Variants in SPPL3 observed in about 807,000 individuals in gnomAD.
The protein encoded by SPPL3 is signal peptide peptidase like 3.
A neutral mutation model predicts 42.4 loss-of-function variants in SPPL3; 5 were observed. That is an observed-to-expected ratio of 0.12 (90% CI 0.06 to 0.25). SPPL3 has a LOEUF of 0.25. Among genes scored for constraint, SPPL3 ranks in the 10% least tolerant of loss-of-function variants. The pLI, the probability that SPPL3 is intolerant of heterozygous loss-of-function variation, is 1.00. For synonymous variants in SPPL3, 195 were observed against 181.8 expected, an observed-to-expected ratio of 1.07 and a Z score of -0.58; for missense variants, 235 against 489.0, an observed-to-expected ratio of 0.48 and a Z score of 4.90.
intron 1 of SPPL3, among the ~76,000 whole-genome samples, chr12:120,889,094 A>G (rs904292762): frequency 6.6e-5 from 10 of 152,166 alleles, no homozygotes; most frequent in African/African-American, 9.7e-5. Flanking sequence ...GATTACAGGC[A>G]TGAGCCACCA....
At chr12:120,875,187 A>G (rs1444182076) in intron 1 of SPPL3, among the ~76,000 whole-genome samples, 1 of 152,216 alleles carries the variant, frequency 6.6e-6, no homozygotes, top group Admixed American at 6.5e-5. Flanking sequence ...CCCACAGACT[A>G]AATTGGCAAT....
At chr12:120,818,328 A>G (rs1870947299) in intron 1 of SPPL3, among the ~76,000 whole-genome samples, 1 of 121,566 alleles carries the variant, frequency 8.2e-6, no homozygotes, top group South Asian at 2.8e-4. Flanking sequence ...TTGAGTTGAA[A>G]TATTTTATAT....
At chr12:120,814,971 CCA>C (rs1331282398) in intron 1 of SPPL3, among the ~76,000 whole-genome samples, 1 of 151,134 alleles carries the variant, frequency 6.6e-6, no homozygotes, top group Non-Finnish European at 1.5e-5. Context: ...TGTAGATGCC[CCA>C]CAGTTTTTGT....
chr12:120,901,864 T>C (rs1238228189), intron 1 of SPPL3: 9 of 984,276 alleles, frequency 9.1e-6, no homozygotes, highest in Non-Finnish European at 1.1e-5. Context: ...AGAGGTCGTG[T>C]GTGTCCAACC....
chr12:120,893,012 A>G (rs1873691284), intron 1 of SPPL3, among the ~76,000 whole-genome samples: 1 of 151,624 alleles, frequency 6.6e-6, no homozygotes, highest in Non-Finnish European at 1.5e-5. Flanking sequence ...TACAACCCAA[A>G]ATTTAGTGGA....
chr12:120,824,623 TG>T (rs1871182062), intron 1 of SPPL3, among the ~76,000 whole-genome samples: 1 of 152,166 alleles, frequency 6.6e-6, no homozygotes, highest in East Asian at 1.9e-4. Flanking sequence ...TTGACCTCCT[TG>T]GGCTCAGGTG....
At chr12:120,885,927 T>C (rs958047436) in intron 1 of SPPL3, among the ~76,000 whole-genome samples, 6 of 147,802 alleles carry the variant, frequency 4.1e-5, no homozygotes, top group Admixed American at 2.8e-4. Flanking sequence ...CGATTTCAGC[T>C]CACCGCAACC....
chr12:120,802,399 G>GTATATATATACACATATA (rs1488001549), intron 2 of SPPL3, among the ~76,000 whole-genome samples: 61 of 89,776 alleles, frequency 6.8e-4, no homozygotes, highest in African/African-American at 4.9e-3. Flanking sequence ...ACACATATAT[G>GTATATATATACACATATA]TGTGTGTGTG....
chr12:120,843,176 T>A (rs1049940921), intron 1 of SPPL3, among the ~76,000 whole-genome samples: 1 of 152,168 alleles, frequency 6.6e-6, no homozygotes, highest in East Asian at 1.9e-4. Context: ...GGTATACATA[T>A]ACAAGTTATA....
chr12:120,895,860 G>A (rs1019610450), intron 1 of SPPL3, among the ~76,000 whole-genome samples: 4 of 152,154 alleles, frequency 2.6e-5, no homozygotes, highest in African/African-American at 7.2e-5. Flanking sequence ...CCACCCTCAC[G>A]CTAAAGATTT....
At chr12:120,859,685 G>C (rs1428361944) in intron 1 of SPPL3, among the ~76,000 whole-genome samples, 2 of 152,130 alleles carry the variant, frequency 1.3e-5, no homozygotes, top group East Asian at 3.9e-4. Flanking sequence ...GCCGGGTGCA[G>C]TGGCTCCCAG....
chr12:120,855,858 T>G (rs954009222), intron 1 of SPPL3, among the ~76,000 whole-genome samples: 3 of 152,196 alleles, frequency 2.0e-5, no homozygotes, highest in Non-Finnish European at 4.4e-5. Flanking sequence ...TGGGGTGGTC[T>G]CATTGTCAGA....
Position 120,764,886 on chromosome 12 carries a change from G to T in SPPL3, c.*113C>A. The T allele has an allele frequency of 8.7e-7, 1 of 1,143,334 alleles. No homozygotes were observed. The highest frequency in any genetic ancestry group is 1.2e-6 in the Non-Finnish European group (1 of 818,056). 70.8% of individuals were successfully genotyped at this position (1,143,334 alleles called of 1,614,324 possible). ...AAATGCCAAATCCAGTCACACGGCA[G>T]TTCCTTAAACACAGGTACATTTCTG... On this transcript the variant is annotated 3_prime_UTR_variant, in exon 11 of 11. Transcript: ENST00000353487.
chr12:120,776,901 G>A (rs1236662333), intron 6 of SPPL3, among the ~76,000 whole-genome samples: 1 of 152,072 alleles, frequency 6.6e-6, no homozygotes, highest in African/African-American at 2.4e-5. Flanking sequence ...TCATAATATG[G>A]GCTTTGCATC....
intron 2 of SPPL3, among the ~76,000 whole-genome samples, chr12:120,801,664 TAC>T (rs1365723072): frequency 6.6e-6 from 1 of 152,204 alleles, no homozygotes. Context: ...CAAAAAAACC[TAC>T]AGAGTATTTC....
chr12:120,896,255 C>T (rs1873797698), intron 1 of SPPL3, among the ~76,000 whole-genome samples: 1 of 152,158 alleles, frequency 6.6e-6, no homozygotes, highest in Non-Finnish European at 1.5e-5. Context: ...CGTTCCACAA[C>T]AATGAGGTGG....
chr12:120,861,111 GT>G (rs1872605124), intron 1 of SPPL3, among the ~76,000 whole-genome samples: 1 of 151,988 alleles, frequency 6.6e-6, no homozygotes, highest in South Asian at 2.1e-4. Flanking sequence ...TATTACTTTT[GT>G]TTTTTCTCCC....
At chr12:120,901,721 C>T (rs1394194522) in intron 1 of SPPL3, among the ~76,000 whole-genome samples, 9 of 152,070 alleles carry the variant, frequency 5.9e-5, no homozygotes, top group African/African-American at 1.9e-4. Flanking sequence ...CTAAGCTCCC[C>T]GATTTCAAGG....
At chr12:120,810,315 A>C (rs190625231) in intron 2 of SPPL3, among the ~76,000 whole-genome samples, 3 of 152,054 alleles carry the variant, frequency 2.0e-5, no homozygotes, top group Non-Finnish European at 4.4e-5. Context: ...TCCTGGGTAC[A>C]GTTTTACTTT....
Sources: allele counts gnomAD v4.1 joint callset (sites outside exome capture counted in the v4.1 genomes callset), GRCh38; gene constraint gnomAD v4.1.1; transcripts MANE v1.5; gene names NCBI Gene and HGNC (gene_info 2026-07-23, HGNC 2026-07-21).